Variants in UBASH3B observed in about 807,000 individuals in gnomAD.
UBASH3B encodes the protein ubiquitin associated and SH3 domain containing B, also known as ubiquitin-associated and SH3 domain-containing protein B.
UBASH3B carries 37 observed loss-of-function variants against 83.4 expected under a neutral mutation model. The ratio of observed to expected loss-of-function variants is 0.44; its 90% CI spans 0.34 to 0.58. The LOEUF is 0.58. Among genes scored for constraint, UBASH3B ranks in the 20% least tolerant of loss-of-function variants. The pLI, the probability that UBASH3B is intolerant of heterozygous loss-of-function variation, is 0.01. For missense variants in UBASH3B, 657 were observed against 827.2 expected, an observed-to-expected ratio of 0.79 and a Z score of 2.52; for synonymous variants, 304 against 318.3, an observed-to-expected ratio of 0.96 and a Z score of 0.48.
At chr11:122,678,506 A>G (rs7117189) in intron 1 of UBASH3B, among the ~76,000 whole-genome samples, 23,768 of 152,176 alleles carry the variant, frequency 0.16, 2,002 homozygotes, top group African/African-American at 0.21. Flanking sequence ...GGTGAAGGCT[A>G]AATCTCTTTC....
chr11:122,761,633 C>T (rs1355278342), intron 1 of UBASH3B, among the ~76,000 whole-genome samples: 2 of 151,862 alleles, frequency 1.3e-5, no homozygotes, highest in Non-Finnish European at 2.9e-5. Context: ...TTCAGAAGGA[C>T]TAAAAATTAC....
chr11:122,714,748 A>C (rs1423154699), intron 1 of UBASH3B, among the ~76,000 whole-genome samples: 3 of 152,172 alleles, frequency 2.0e-5, no homozygotes, highest in Non-Finnish European at 4.4e-5. Context: ...TCAGCTGATG[A>C]TGGGAAGGCA....
rs1261254772 is a variant in UBASH3B, at chr11:122,810,098, C to T, written c.*212C>T. 1 of 538,782 alleles carries T rather than the reference C, an allele frequency of 1.9e-6. No homozygotes were observed. Among genetic ancestry groups the T allele is most frequent in the East Asian group, 3.3e-5 (1 of 30,444 alleles). 33.4% of individuals were successfully genotyped at this position (538,782 alleles called of 1,614,324 possible). A position where few individuals can be genotyped will look rare whatever the true frequency, so the allele number is the denominator to read the frequency against. On this transcript the variant is annotated 3_prime_UTR_variant, in exon 14 of 14. Coordinates refer to ENST00000284273, the MANE Select transcript of UBASH3B (RefSeq NM_032873.5). ...AAATGTGTTCTCTCTGGACTCTTGC[C>T]TAGCTCACAAGGCTTTGGAGAATTG... is the stretch of plus-strand genomic sequence containing the variant.
At chr11:122,706,121 T>C (rs4936726) in intron 1 of UBASH3B, among the ~76,000 whole-genome samples, 7,189 of 72,928 alleles carry the variant, frequency 0.099, 92 homozygotes, top group African/African-American at 0.12. Flanking sequence ...TTTTTTTTTC[T>C]TTTTTTTTTT....
chr11:122,776,917 C>A, intron 2 of UBASH3B, 107 bp from the exon 3 acceptor site: 3 of 1,071,374 alleles, frequency 2.8e-6, no homozygotes, highest in Non-Finnish European at 4.0e-6. Context: ...CTTCCCCGCG[C>A]TGTGCCGGGG....
At chr11:122,716,354 T>C (rs1223841440) in intron 1 of UBASH3B, among the ~76,000 whole-genome samples, 1 of 152,252 alleles carries the variant, frequency 6.6e-6, no homozygotes, top group Non-Finnish European at 1.5e-5. Flanking sequence ...TTTGTATTTT[T>C]AGTAGAGACG....
chr11:122,666,763 A>AT (rs1203129940), intron 1 of UBASH3B, among the ~76,000 whole-genome samples: 2 of 151,726 alleles, frequency 1.3e-5, no homozygotes, highest in Non-Finnish European at 2.9e-5. Flanking sequence ...CTGATTGCTC[A>AT]TTTTTTTCCC....
Position 122,656,090 on chromosome 11 carries a change from C to T in UBASH3B, c.41C>T (p.Ala14Val). 6.2e-7 allele frequency: 1 copy of T among 1,601,226 alleles called. No individual in the cohort carries two copies. The change falls in exon 1 of 14, where the codon GCG becomes GTG. Residue 14 changes from alanine to valine, a missense_variant. Ala to Val is a moderately conservative substitution (Grantham distance 64, BLOSUM62 0). Coordinates refer to ENST00000284273, the MANE Select transcript of UBASH3B (RefSeq NM_032873.5). ...YGHPSPLGMA[A>V]REELYSKVTP... ...CACCCCAGTCCGCTCGGCATGGCTG[C>T]GAGAGAGGAGCTGTACAGCAAAGTC...
At chr11:122,783,453 A>T (rs547949698) in intron 5 of UBASH3B, among the ~76,000 whole-genome samples, 1 of 152,178 alleles carries the variant, frequency 6.6e-6, no homozygotes, top group South Asian at 2.1e-4. Context: ...ACATCCCCCT[A>T]GTTCTGTCTC....
rs185257708 is a variant in UBASH3B, at chr11:122,778,010, A to G, written c.402+800A>G. On this transcript the variant is annotated intron_variant, in intron 3 of 13. Coordinates refer to ENST00000284273, the MANE Select transcript of UBASH3B (RefSeq NM_032873.5). The stretch of plus-strand genomic sequence containing the variant: ...CTCCCAAAGTGCTGGGATTATAGGC[A>G]TGAGCCACCATGCCTGGCCTCTACT... 4.5e-3 allele frequency among the ~76,000 whole-genome samples: 684 copies of G among 152,206 alleles called. 6 individuals are homozygous for G. The highest frequency in any genetic ancestry group is 0.014 in the African/African-American group (565 of 41,516).
rs369338812 is a variant in UBASH3B at position 122,711,214 on chromosome 11, C to T, written c.161+55004C>T. ...CAAGGGAGCTCCTAATCTTGCAGTC[C>T]CAGGCTCCCAAAATCTCTGTAGCAG... On this transcript the variant is annotated intron_variant, in intron 1 of 13. Transcript: ENST00000284273. Among the ~76,000 whole-genome samples, 80 of 152,346 alleles carry T rather than the reference C, an allele frequency of 5.3e-4. No individual in the cohort carries two copies. The South Asian group carries it at 0.013, about 26-fold the overall frequency.
chr11:122,704,069 C>T (rs1318827627), intron 1 of UBASH3B, among the ~76,000 whole-genome samples: 1 of 152,178 alleles, frequency 6.6e-6, no homozygotes, highest in East Asian at 1.9e-4. Flanking sequence ...GGCGGTGGGG[C>T]TTTTGTAGAC....
intron 6 of UBASH3B, among the ~76,000 whole-genome samples, chr11:122,790,023 C>T (rs1486332157): frequency 6.6e-6 from 1 of 152,224 alleles, no homozygotes; most frequent in Non-Finnish European, 1.5e-5. Context: ...TTAGTTGGAG[C>T]AGCTCAAAGC....
rs1860549055 is a variant in UBASH3B, at chr11:122,717,730, G to A, written c.162-58489G>A. On this transcript the variant is annotated intron_variant, in intron 1 of 13. Transcript: ENST00000284273. ...TTCTCGTTGTTCTCCAGGAACTGCT[G>A]TGACTGTTGGTGGCAGTTCTATAAC... Among the ~76,000 whole-genome samples the A allele has an allele frequency of 3.9e-5, 6 of 152,250 alleles. No individual in the cohort carries two copies. The South Asian group carries it at 8.3e-4, about 21-fold the overall frequency.
chr11:122,801,180 C>T lies in UBASH3B; in HGVS notation c.1451-8C>T, dbSNP rs773220354. ...CTTTCTTCATCTTCACTGTATTTTACCCCTAAGGTTTACAACAAGAAAATC... is the reference window on the plus strand; with the variant it reads ...CTTTCTTCATCTTCACTGTATTTTATCCCTAAGGTTTACAACAAGAAAATC... On this transcript the variant is annotated splice_region_variant and splice_polypyrimidine_tract_variant and intron_variant, in intron 10 of 13. Transcript: ENST00000284273. The T allele has an allele frequency of 1.5e-5, 25 of 1,613,886 alleles. No individual in the cohort carries two copies. Among genetic ancestry groups the T allele is most frequent in the Non-Finnish European group, 2.1e-5 (25 of 1,179,868 alleles).
chr11:122,725,869 T>C lies in UBASH3B; in HGVS notation c.162-50350T>C, dbSNP rs550407273. Among the ~76,000 whole-genome samples the C allele has an allele frequency of 1.8e-4, 27 of 152,084 alleles. No individual in the cohort carries two copies. In the East Asian group the frequency reaches 5.2e-3, roughly 29 times the overall value. ...CCACCACGCCGGCCAATTTTTTCTA[T>C]CTTTAGTAGAGACAGGGTTTTACCA... On this transcript the variant is annotated intron_variant, in intron 1 of 13. Transcript: ENST00000284273.
chr11:122,714,620 G>C (rs957693311), intron 1 of UBASH3B, among the ~76,000 whole-genome samples: 2 of 152,236 alleles, frequency 1.3e-5, no homozygotes, highest in African/African-American at 2.4e-5. Context: ...ACTTTGGACA[G>C]ATTGCTTCAC....
At chr11:122,683,387 G>A (rs1368247009) in intron 1 of UBASH3B, among the ~76,000 whole-genome samples, 2 of 152,022 alleles carry the variant, frequency 1.3e-5, no homozygotes, top group African/African-American at 2.4e-5. Flanking sequence ...GGCCAAGGCG[G>A]GCAGATCGCT....
In UBASH3B at chr11:122,744,898, T is replaced by TGTGTGTGTGC. The variant is rs1293701124; in HGVS notation, c.162-31320_162-31319insTGTGTGTGCG. Among the ~76,000 whole-genome samples the TGTGTGTGTGC allele has an allele frequency of 9.5e-3, 1,026 of 107,870 alleles. 10 individuals are homozygous for TGTGTGTGTGC. The highest frequency in any genetic ancestry group is 0.029 in the Admixed American group (345 of 12,098). The allele number at this position is 107,870 out of a possible 152,430, so 70.8% of individuals were successfully genotyped here. On this transcript the variant is annotated intron_variant, in intron 1 of 13. Coordinates refer to ENST00000284273, the MANE Select transcript of UBASH3B (RefSeq NM_032873.5). Reference sequence around the variant, plus strand: ...CTGTGTGTGTGTGTGTGTGTGTGTGTGCGCGCGCGCGCGCACTTGGGCACG... The same window carrying TGTGTGTGTGC: ...CTGTGTGTGTGTGTGTGTGTGTGTGTGTGTGTGTGCGCGCGCGCGCGCGCACTTGGGCACG...
Sources: allele counts gnomAD v4.1 joint callset (sites outside exome capture counted in the v4.1 genomes callset), GRCh38; gene constraint gnomAD v4.1.1; transcripts MANE v1.5; gene names NCBI Gene and HGNC (gene_info 2026-07-23, HGNC 2026-07-21).